The following HECTD4 variants were observed in gnomAD, a reference collection of about 807,000 sequenced individuals.
The protein encoded by HECTD4 is probable E3 ubiquitin-protein ligase HECTD4.
A neutral mutation model predicts 471.5 loss-of-function variants in HECTD4; 114 were observed. The ratio of observed to expected loss-of-function variants is 0.24; its 90% confidence interval spans 0.21 to 0.28. The LOEUF is 0.28. Among genes scored for constraint, HECTD4 ranks in the 10% least tolerant of loss-of-function variants. HECTD4 has a pLI of 1.00. For synonymous variants in HECTD4, 2,012 were observed against 2,256.0 expected, an observed-to-expected ratio of 0.89 and a Z score of 3.07; for missense variants, 3,866 against 5,651.5, an observed-to-expected ratio of 0.68 and a Z score of 10.13.
In HECTD4 at chr12:112,193,062, C is replaced by T; in HGVS notation, c.9085G>A (p.Asp3029Asn). 1 of 1,614,040 alleles carries T rather than the reference C, an allele frequency of 6.2e-7. No homozygotes were observed. The highest frequency in any genetic ancestry group is 8.5e-7 in the Non-Finnish European group (1 of 1,179,898). The change falls in exon 58 of 76, where the codon GAC becomes AAC. Residue 3029 changes from aspartate (D) to asparagine (N), a missense_variant and splice_region_variant. Coordinates refer to ENST00000682272, the MANE Select transcript of HECTD4 (RefSeq NM_001388303.1). This position sits in a 1 kb window ranked among gnomAD's most constrained non-coding sequence, Gnocchi z 5.2. Reference protein sequence around the residue: ...CKESQSGFRKDSSLYKAPWAR... With the variant: ...CKESQSGFRKNSSLYKAPWAR... Reference sequence around the variant, plus strand: ...TCTTCTTGAGAACAGGCAACTTACTCTTTGCGGAATCCAGATTGACTTTCT... The same window carrying T: ...TCTTCTTGAGAACAGGCAACTTACTTTTTGCGGAATCCAGATTGACTTTCT...
chr12:112,202,488 G>T lies in HECTD4; in HGVS notation c.8406+1148C>A, dbSNP rs149708861. Among the ~76,000 whole-genome samples, 925 of 152,274 alleles carry T rather than the reference G, an allele frequency of 6.1e-3. 9 individuals carry two copies. The highest frequency in any genetic ancestry group is 0.021 in the African/African-American group (888 of 41,548). On this transcript the variant is annotated intron_variant, in intron 54 of 75. Coordinates refer to ENST00000682272, the MANE Select transcript of HECTD4 (RefSeq NM_001388303.1). ...CCCAAAGTGCTGGGATTACAGGCATGAGCCACCACATCTGGCCTAAAGATG... is the reference window on the plus strand; with the variant it reads ...CCCAAAGTGCTGGGATTACAGGCATTAGCCACCACATCTGGCCTAAAGATG...
chr12:112,372,282 T>C (rs1220308262), intron 1 of HECTD4, among the ~76,000 whole-genome samples: 2 of 151,784 alleles, frequency 1.3e-5, no homozygotes, highest in East Asian at 1.9e-4. Flanking sequence ...TTTTTTAAGA[T>C]GGAGTCTCGC....
chr12:112,196,160 C>T (rs1253292339), intron 55 of HECTD4, among the ~76,000 whole-genome samples: 1 of 152,090 alleles, frequency 6.6e-6, no homozygotes, highest in Admixed American at 6.6e-5. Flanking sequence ...AAACCTAGGC[C>T]CCAAACTCAC....
chr12:112,244,278 T>C (rs1018394663), intron 29 of HECTD4, among the ~76,000 whole-genome samples: 1 of 152,252 alleles, frequency 6.6e-6, no homozygotes, highest in African/African-American at 2.4e-5. Context: ...ATTTCATAGC[T>C]ATCCATGTTC....
Position 112,207,884 on chromosome 12 carries a change from G to C in HECTD4, c.8121C>G (p.Ala2707=), listed in dbSNP as rs893930551. Residue 2707 remains alanine, a synonymous_variant, in exon 52 of 76, where the codon GCC becomes GCG. Transcript: ENST00000682272. ...RKSGLDQIKG[A]LQLGMVDIAR... Reference sequence around the variant, plus strand: ...CAAAAAGTACCAGACCTAGTTGTAAGGCCCCCTTTATCTGGTCCAGGCCCG... The same window carrying C: ...CAAAAAGTACCAGACCTAGTTGTAACGCCCCCTTTATCTGGTCCAGGCCCG... The C allele has an allele frequency of 6.2e-7, 1 of 1,613,888 alleles. No homozygotes were observed. Among genetic ancestry groups the C allele is most frequent in the Admixed American group, 1.7e-5 (1 of 59,990 alleles).
At position 112,193,118 on chromosome 12, in the gene HECTD4, G is replaced by A; in HGVS notation, c.9029C>T (p.Pro3010Leu). The change falls in exon 58 of 76, where the codon CCC becomes CTC. Residue 3010 changes from proline to leucine, a missense_variant. Coordinates refer to ENST00000682272, the MANE Select transcript of HECTD4 (RefSeq NM_001388303.1). The surrounding 1 kb of genome is among the most constrained non-coding windows in gnomAD (Gnocchi z 5.2). ...AGACACAACAACAAAAGCTGCCCCG[G>A]GGAAATTCACGTCCATGTTGACTTT... ...ESKVNMDVNFPGAAFVVVSCK... is the reference protein window; with the variant it reads ...ESKVNMDVNFLGAAFVVVSCK... The A allele has an allele frequency of 6.2e-7, 1 of 1,613,952 alleles. No homozygotes were observed. The highest frequency in any genetic ancestry group is 8.5e-7 in the Non-Finnish European group (1 of 1,179,892).
intron 1 of HECTD4, among the ~76,000 whole-genome samples, chr12:112,371,157 A>T (rs2036659340): frequency 6.6e-6 from 1 of 152,240 alleles, no homozygotes; most frequent in Non-Finnish European, 1.5e-5. Context: ...ATGGAAGCCA[A>T]GAAGACAGAT....
At chr12:112,349,086 C>T (rs1365479762) in intron 1 of HECTD4, among the ~76,000 whole-genome samples, 1 of 152,070 alleles carries the variant, frequency 6.6e-6, no homozygotes, top group Non-Finnish European at 1.5e-5. Flanking sequence ...ATTTTTACTA[C>T]TTTTAGAAAT....
At chr12:112,229,968 GGTCCCAT>G in intron 40 of HECTD4, 88 bp from the exon 41 acceptor site, 1 of 1,251,488 alleles carries the variant, frequency 8.0e-7, no homozygotes, top group Non-Finnish European at 1.1e-6. Flanking sequence ...ACAGTGCCTG[GGTCCCAT>G]GTATTGAAGG....
At chr12:112,207,409 C>T (rs1276269213) in intron 52 of HECTD4, among the ~76,000 whole-genome samples, 3 of 109,824 alleles carry the variant, frequency 2.7e-5, no homozygotes, top group East Asian at 5.3e-4. Context: ...TCCTAAAGTG[C>T]TGGGATTACA....
chr12:112,222,931 T>C (rs1444262469), intron 44 of HECTD4, among the ~76,000 whole-genome samples: 1 of 152,154 alleles, frequency 6.6e-6, no homozygotes, highest in Non-Finnish European at 1.5e-5. Flanking sequence ...GGAATGACTT[T>C]GGTTATCAAT....
chr12:112,319,638 C>A lies in HECTD4; in HGVS notation c.282G>T (p.Leu94=). The change falls in exon 2 of 76, where the codon CTG becomes CTT. Residue 94 remains leucine (L), a synonymous_variant. Transcript: ENST00000682272. The surrounding 1 kb of genome is among the most constrained non-coding windows in gnomAD (Gnocchi z 5.3). The stretch of plus-strand genomic sequence containing the variant: ...CATTCCACAGTCCTCGCAAGGCATT[C>A]AGGCGGTATTCCAGCAGCCGGGCAT... The part of the protein sequence containing the change: ...NAYARLLEYR[L]NALRGLWNAQ... 1 of 1,374,378 alleles carries A rather than the reference C, an allele frequency of 7.3e-7. No individual in the cohort carries two copies. The highest frequency in any genetic ancestry group is 2.0e-5 in the South Asian group (1 of 51,070). The allele number at this position is 1,374,378 out of a possible 1,614,324, so 85.1% of individuals were successfully genotyped here.
chr12:112,240,111 A>G, intron 32 of HECTD4, 84 bp from the exon 33 acceptor site: 2 of 1,400,764 alleles, frequency 1.4e-6, no homozygotes, highest in Non-Finnish European at 2.0e-6. Context: ...GAGAAACTCT[A>G]GAGTATCTGG....
At chr12:112,265,647 A>C (rs2034252005) in intron 15 of HECTD4, among the ~76,000 whole-genome samples, 1 of 152,184 alleles carries the variant, frequency 6.6e-6, no homozygotes, top group African/African-American at 2.4e-5. Flanking sequence ...TTTTTGCTAA[A>C]GACCCTTTCC....
chr12:112,341,236 C>T (rs2036049121), intron 1 of HECTD4, among the ~76,000 whole-genome samples: 1 of 152,154 alleles, frequency 6.6e-6, no homozygotes, highest in African/African-American at 2.4e-5. Flanking sequence ...CATGCTCCCC[C>T]AAACAAGACA....
intron 7 of HECTD4, among the ~76,000 whole-genome samples, chr12:112,284,121 A>G (rs1594009505): frequency 1.3e-5 from 2 of 152,076 alleles, no homozygotes; most frequent in East Asian, 3.9e-4. Flanking sequence ...GAAGGATTTC[A>G]CCTCATATTA....
At chr12:112,316,566 C>T (rs1274091132) in intron 2 of HECTD4, among the ~76,000 whole-genome samples, 1 of 151,984 alleles carries the variant, frequency 6.6e-6, no homozygotes, top group East Asian at 1.9e-4. Flanking sequence ...GAATGACTTA[C>T]CCTGAGTCCA....
intron 21 of HECTD4, among the ~76,000 whole-genome samples, chr12:112,256,089 A>C (rs926399015): frequency 6.6e-6 from 1 of 152,164 alleles, no homozygotes; most frequent in Non-Finnish European, 1.5e-5. Context: ...TACAAAGTAC[A>C]CTTTCAACAT....
chr12:112,259,771 A>C (rs2034103475), intron 18 of HECTD4, among the ~76,000 whole-genome samples: 2 of 152,070 alleles, frequency 1.3e-5, no homozygotes. Context: ...ACTACCTGTA[A>C]AGTTCTCTTG....
Sources: allele counts gnomAD v4.1 joint callset (sites outside exome capture counted in the v4.1 genomes callset), GRCh38; gene constraint gnomAD v4.1.1; non-coding constraint Gnocchi (gnomAD v3.1); transcripts MANE v1.5; gene names NCBI Gene and HGNC (gene_info 2026-07-23, HGNC 2026-07-21).